Variants in KCNQ5 observed in about 807,000 individuals in gnomAD.
The protein encoded by KCNQ5 is potassium voltage-gated channel subfamily Q member 5, also known as potassium voltage-gated channel subfamily KQT member 5.
Under a neutral mutation model 98.2 loss-of-function variants are expected in KCNQ5, and 30 were observed. The observed-to-expected ratio is 0.31, with a 90% CI of 0.23 to 0.41. The LOEUF (loss-of-function observed/expected upper bound fraction) is 0.41. KCNQ5 is among the 10% of genes least tolerant of loss of function. The pLI is 1.00. For synonymous variants in KCNQ5, 458 were observed against 449.4 expected (o/e 1.02, Z -0.24); for missense variants, 835 against 1,182.5 (o/e 0.71, Z 4.31).
intron 3 of KCNQ5, among the ~76,000 whole-genome samples, chr6:73,058,780 G>A (rs1256819879): frequency 6.6e-6 from 1 of 152,110 alleles, no homozygotes; most frequent in African/African-American, 2.4e-5. Context: ...TGTAAAAGAA[G>A]ACATACACGT....
chr6:72,897,612 G>A (rs542239420), intron 1 of KCNQ5, among the ~76,000 whole-genome samples: 1 of 152,190 alleles, frequency 6.6e-6, no homozygotes, highest in East Asian at 1.9e-4. Flanking sequence ...GGTTAACTAA[G>A]ATAACACATA....
rs1241779967 is a variant in KCNQ5 at position 73,089,773 on chromosome 6, A to ACG, written c.918+11886_918+11887insCG. Among the ~76,000 whole-genome samples, 6 of 34,096 alleles carry ACG rather than the reference A, an allele frequency of 1.8e-4. No individual in the cohort carries two copies. The South Asian group carries it at 0.015, about 87-fold the overall frequency. The allele number at this position is 34,096 out of a possible 152,430, so 22.4% of individuals were successfully genotyped here. On this transcript the variant is annotated intron_variant, in intron 5 of 13. Transcript: ENST00000370398. The stretch of plus-strand genomic sequence containing the variant: ...CTTTATGGCTGAGTAGTATTCCATC[A>ACG]TGTATATATATATACCACAGTTTCT...
At chr6:73,146,833 GTT>G (rs1320232023) in intron 10 of KCNQ5, among the ~76,000 whole-genome samples, 1 of 151,934 alleles carries the variant, frequency 6.6e-6, no homozygotes, top group Non-Finnish European at 1.5e-5. Flanking sequence ...TAGTCTATGA[GTT>G]TACCTCCCTT....
At chr6:72,727,662 G>T (rs185746130) in intron 1 of KCNQ5, among the ~76,000 whole-genome samples, 41 of 152,270 alleles carry the variant, frequency 2.7e-4, no homozygotes, top group Non-Finnish European at 1.2e-4. Context: ...GTTAGCTGTT[G>T]CCACAATAAT....
At position 72,638,062 on chromosome 6, in the gene KCNQ5, C is replaced by T. The variant is rs886772553; in HGVS notation, c.398+15475C>T. On this transcript the variant is annotated intron_variant, in intron 1 of 13. Coordinates refer to ENST00000370398, the MANE Select transcript of KCNQ5 (RefSeq NM_019842.4). ...TCCTACTTTAGTTGTGCACTGAGATCGTCCTGCAATCCTTCCAAAGGTAGG... is the reference window on the plus strand; with the variant it reads ...TCCTACTTTAGTTGTGCACTGAGATTGTCCTGCAATCCTTCCAAAGGTAGG... 7.2e-5 allele frequency among the ~76,000 whole-genome samples: 11 copies of T among 152,252 alleles called. No homozygotes were observed. In the East Asian group the frequency reaches 1.5e-3, roughly 21 times the overall value.
chr6:73,194,251 G>A (rs1765701604), intron 13 of KCNQ5, among the ~76,000 whole-genome samples: 1 of 152,164 alleles, frequency 6.6e-6, no homozygotes, highest in Admixed American at 6.5e-5. Context: ...AAGCCAAAGT[G>A]TCCCTCTCTT....
In KCNQ5 at chr6:72,868,730, C is replaced by A. The variant is rs188893140; in HGVS notation, c.399-135178C>A. ...ACAGAGCTAAATGGATGGCAGTCTA[C>A]ATGGTAGCTGAGCTCCCATAACGAG... On this transcript the variant is annotated intron_variant, in intron 1 of 13. Coordinates refer to ENST00000370398, the MANE Select transcript of KCNQ5 (RefSeq NM_019842.4). Among the ~76,000 whole-genome samples, 360 of 152,262 alleles carry A rather than the reference C, an allele frequency of 2.4e-3. 2 individuals carry two copies. In the East Asian group the frequency reaches 0.038, roughly 16 times the overall value.
At chr6:73,039,523 T>A (rs1056194968) in intron 2 of KCNQ5, among the ~76,000 whole-genome samples, 15 of 152,200 alleles carry the variant, frequency 9.9e-5, no homozygotes, top group African/African-American at 3.1e-4. Flanking sequence ...GTCATTTTTT[T>A]ATTTTCATTC....
chr6:73,162,227 A>C (rs1777641935), intron 10 of KCNQ5, among the ~76,000 whole-genome samples: 1 of 152,012 alleles, frequency 6.6e-6, no homozygotes, highest in Non-Finnish European at 1.5e-5. Context: ...GCACCCAGCC[A>C]GCTTAGCTCT....
chr6:73,107,315 G>A (rs1775044353), intron 6 of KCNQ5, among the ~76,000 whole-genome samples: 1 of 152,124 alleles, frequency 6.6e-6, no homozygotes, highest in Non-Finnish European at 1.5e-5. Context: ...TCTTCATTCA[G>A]AGAAAATTCT....
intron 1 of KCNQ5, among the ~76,000 whole-genome samples, chr6:72,961,492 G>A (rs1217034595): frequency 3.9e-5 from 6 of 151,970 alleles, no homozygotes; most frequent in Non-Finnish European, 5.9e-5. Flanking sequence ...CGTGGTGGCG[G>A]GCGCCTGTAG....
chr6:72,652,816 C>G (rs1297708888), intron 1 of KCNQ5, among the ~76,000 whole-genome samples: 1 of 152,098 alleles, frequency 6.6e-6, no homozygotes, highest in East Asian at 1.9e-4. Context: ...TTCAGCCTCA[C>G]AAGAGGCTCT....
intron 1 of KCNQ5, among the ~76,000 whole-genome samples, chr6:72,842,978 T>C (rs1470834901): frequency 6.6e-6 from 1 of 152,200 alleles, no homozygotes; most frequent in Non-Finnish European, 1.5e-5. Flanking sequence ...GTGCAGAAGC[T>C]CTTTTTAATT....
intron 1 of KCNQ5, chr6:72,806,915 A>C: frequency 2.6e-6 from 1 of 383,078 alleles, no homozygotes; most frequent in Non-Finnish European, 5.0e-6. Flanking sequence ...AGTTTGAAAA[A>C]CTTCTTTCTA....
At chr6:73,048,472 C>T (rs1395296757) in intron 3 of KCNQ5, among the ~76,000 whole-genome samples, 8 of 152,140 alleles carry the variant, frequency 5.3e-5, no homozygotes, top group Non-Finnish European at 7.4e-5. Flanking sequence ...GCCTCTGCTA[C>T]CCTGAATCAA....
At chr6:73,057,269 A>G (rs566934783) in intron 3 of KCNQ5, among the ~76,000 whole-genome samples, 2 of 149,026 alleles carry the variant, frequency 1.3e-5, no homozygotes, top group Non-Finnish European at 3.0e-5. Context: ...ATAGGTGGGA[A>G]TTGAACAATG....
At chr6:73,157,028 G>A (rs896185042) in intron 10 of KCNQ5, among the ~76,000 whole-genome samples, 3 of 152,208 alleles carry the variant, frequency 2.0e-5, no homozygotes, top group Non-Finnish European at 4.4e-5. Context: ...GGGGCGAGGC[G>A]AGCAGAGAGA....
At chr6:72,875,186 A>G (rs1211169441) in intron 1 of KCNQ5, among the ~76,000 whole-genome samples, 2 of 152,140 alleles carry the variant, frequency 1.3e-5, no homozygotes, top group Non-Finnish European at 2.9e-5. Flanking sequence ...CATTATGACA[A>G]CCTCATCACA....
At chr6:72,840,327 T>A (rs771672275) in intron 1 of KCNQ5, among the ~76,000 whole-genome samples, 1 of 152,202 alleles carries the variant, frequency 6.6e-6, no homozygotes, top group South Asian at 2.1e-4. Context: ...ATTTTAAAGA[T>A]CCTCCATAAT....
Sources: allele counts gnomAD v4.1 joint callset (sites outside exome capture counted in the v4.1 genomes callset), GRCh38; gene constraint gnomAD v4.1.1; transcripts MANE v1.5; gene names NCBI Gene and HGNC (gene_info 2026-07-23, HGNC 2026-07-21).